Variants in BABAM2 observed in about 807,000 individuals in gnomAD.
BABAM2 encodes the protein BRISC and BRCA1-A complex member 2.
BABAM2 carries 31 observed loss-of-function variants against 54.7 expected under a neutral mutation model. The ratio of observed to expected loss-of-function variants is 0.57; its 90% CI spans 0.43 to 0.77. The LOEUF is 0.77. Ranked by LOEUF, BABAM2 falls within the 30% of genes least tolerant of loss-of-function variation. The pLI, the probability that BABAM2 is intolerant of heterozygous loss-of-function variation, is 0.00. For missense variants in BABAM2, 364 were observed against 455.8 expected, an observed-to-expected ratio of 0.80 and a Z score of 1.83; for synonymous variants, 167 against 162.9, an observed-to-expected ratio of 1.03 and a Z score of -0.19.
At chr2:28,064,463 A>C (rs1360357487) in intron 6 of BABAM2, among the ~76,000 whole-genome samples, 1 of 152,228 alleles carries the variant, frequency 6.6e-6, no homozygotes, top group Non-Finnish European at 1.5e-5. Context: ...TTCCCATAAT[A>C]ATTTTAGAAT....
chr2:27,962,670 T>C (rs1670554686), intron 3 of BABAM2, among the ~76,000 whole-genome samples: 1 of 152,212 alleles, frequency 6.6e-6, no homozygotes, highest in Admixed American at 6.5e-5. Context: ...TTAATTAAAA[T>C]AGAATATTAG....
rs1159052290 is a variant in BABAM2 at position 28,076,179 on chromosome 2, T to G, written c.570+30380T>G. On this transcript the variant is annotated intron_variant, in intron 6 of 11. Coordinates refer to ENST00000379624, the MANE Select transcript of BABAM2 (RefSeq NM_199191.3). Reference sequence around the variant, plus strand: ...ATTCCAGCATACAAGGGGGCTAAGGTGGGAGGATCGCTTGAGCCTGGGAGG... The same window carrying G: ...ATTCCAGCATACAAGGGGGCTAAGGGGGGAGGATCGCTTGAGCCTGGGAGG... Among the ~76,000 whole-genome samples the G allele has an allele frequency of 3.3e-5, 5 of 151,956 alleles. No individual in the cohort carries two copies. In the East Asian group the frequency reaches 9.6e-4, roughly 29 times the overall value.
intron 7 of BABAM2, among the ~76,000 whole-genome samples, chr2:28,163,278 C>T (rs142615064): frequency 0.015 from 2,337 of 152,158 alleles, 24 homozygotes; most frequent in South Asian, 0.036. Flanking sequence ...AGCAGGTGGG[C>T]CAGGATCAGC....
chr2:27,931,947 T>G (rs906579401), intron 3 of BABAM2, among the ~76,000 whole-genome samples: 1 of 152,216 alleles, frequency 6.6e-6, no homozygotes, highest in Admixed American at 6.5e-5. Context: ...TCTAAATCTG[T>G]AGTTGTCTTC....
At chr2:28,026,830 AT>A (rs1408079678) in intron 5 of BABAM2, among the ~76,000 whole-genome samples, 2 of 50,118 alleles carry the variant, frequency 4.0e-5, no homozygotes, top group African/African-American at 1.7e-4. Flanking sequence ...ATTTATATAT[AT>A]AAATATATAT....
Position 28,338,499 on chromosome 2 carries a change from A to G in BABAM2, c.1138A>G (p.Asn380Asp). ...VPQFQEAAFA[N>D]GKL ...TCAGTTCCAGGAGGCAGCATTTGCC[A>G]ATGGAAAGCTCTAGGAAACACCAGT... Residue 380 changes from asparagine to aspartate, a missense_variant, in exon 12 of 12, where the codon AAT becomes GAT. Transcript: ENST00000379624. 3 of 1,614,148 alleles carry G rather than the reference A, an allele frequency of 1.9e-6. No homozygotes were observed. Among genetic ancestry groups the G allele is most frequent in the Non-Finnish European group, 2.5e-6 (3 of 1,179,982 alleles).
chr2:28,132,224 C>G (rs999153934), intron 7 of BABAM2, among the ~76,000 whole-genome samples: 1 of 151,526 alleles, frequency 6.6e-6, no homozygotes, highest in Admixed American at 6.6e-5. Context: ...CTGCAAGCTC[C>G]GCCTCCCGGG....
chr2:28,056,933 T>C (rs989023669), intron 6 of BABAM2, among the ~76,000 whole-genome samples: 1 of 152,258 alleles, frequency 6.6e-6, no homozygotes, highest in Admixed American at 6.5e-5. Context: ...CCTTAAGTGG[T>C]CTATATTTTC....
chr2:28,293,405 G>A (rs1351824011), intron 10 of BABAM2, among the ~76,000 whole-genome samples: 1 of 152,186 alleles, frequency 6.6e-6, no homozygotes, highest in Non-Finnish European at 1.5e-5. Context: ...GCTTGGGAAG[G>A]TAGAAATGCA....
At chr2:28,207,811 T>A (rs1679029910) in intron 7 of BABAM2, among the ~76,000 whole-genome samples, 1 of 152,216 alleles carries the variant, frequency 6.6e-6, no homozygotes, top group Non-Finnish European at 1.5e-5. Context: ...TAATCTCACT[T>A]CTTTTTTTAA....
At chr2:28,218,670 A>T (rs993914456) in intron 7 of BABAM2, among the ~76,000 whole-genome samples, 4 of 152,046 alleles carry the variant, frequency 2.6e-5, no homozygotes, top group Admixed American at 2.6e-4. Flanking sequence ...CTGCACTCTA[A>T]TGTTACTAGT....
intron 2 of BABAM2, among the ~76,000 whole-genome samples, chr2:27,922,901 A>G (rs1241861383): frequency 6.6e-6 from 1 of 152,208 alleles, no homozygotes; most frequent in African/African-American, 2.4e-5. Context: ...ATGTGTGAGG[A>G]CAAGTTGCCA....
At chr2:27,962,173 A>G (rs901168203) in intron 3 of BABAM2, among the ~76,000 whole-genome samples, 4 of 152,122 alleles carry the variant, frequency 2.6e-5, no homozygotes, top group Admixed American at 1.3e-4. Context: ...GTACTGAATC[A>G]TAGCTTGCTG....
intron 1 of BABAM2, among the ~76,000 whole-genome samples, chr2:27,892,170 A>G (rs776975003): frequency 6.6e-6 from 1 of 152,224 alleles, no homozygotes; most frequent in Non-Finnish European, 1.5e-5. Context: ...TCCAGCTTCC[A>G]ACATTCAACA....
In BABAM2 at chr2:27,910,080, G is replaced by C. The variant is rs1666468898; in HGVS notation, c.128+15396G>C. 5.3e-5 allele frequency among the ~76,000 whole-genome samples: 8 copies of C among 152,260 alleles called. No homozygotes were observed. The South Asian group carries it at 1.7e-3, about 32-fold the overall frequency. ...ATTCCATCTATAACAGTTCTCCCTT[G>C]TTCTTTTCTGTATCAGAATCTGTCC... On this transcript the variant is annotated intron_variant, in intron 2 of 11. Transcript: ENST00000379624.
Position 27,900,935 on chromosome 2 carries a change from C to T in BABAM2, c.128+6251C>T, listed in dbSNP as rs554572605. ...GCGGGTGCCTATAGTCCCAGCTACT[C>T]GGGAGGCTGAGGCAGGAGAATGGCG... is the stretch of plus-strand genomic sequence containing the variant. On this transcript the variant is annotated intron_variant, in intron 2 of 11. Coordinates refer to ENST00000379624, the MANE Select transcript of BABAM2 (RefSeq NM_199191.3). Among the ~76,000 whole-genome samples the T allele has an allele frequency of 6.1e-5, 9 of 148,370 alleles. No individual in the cohort carries two copies. The South Asian group carries it at 1.3e-3, about 21-fold the overall frequency.
chr2:28,280,500 C>T (rs539380556), intron 10 of BABAM2, among the ~76,000 whole-genome samples: 53 of 152,278 alleles, frequency 3.5e-4, no homozygotes, highest in Non-Finnish European at 6.2e-4. Flanking sequence ...AAACAACTCT[C>T]TTTTTGTACA....
At chr2:28,215,394 C>T (rs1186931664) in intron 7 of BABAM2, among the ~76,000 whole-genome samples, 1 of 152,158 alleles carries the variant, frequency 6.6e-6, no homozygotes, top group Non-Finnish European at 1.5e-5. Context: ...AGGCTTCATA[C>T]TTATGGGCAT....
chr2:28,196,836 CTTTT>C (rs759950166), intron 7 of BABAM2, among the ~76,000 whole-genome samples: 8 of 40,242 alleles, frequency 2.0e-4, no homozygotes, highest in Admixed American at 5.1e-4. Flanking sequence ...GAGACCCTGT[CTTTT>C]TTTTTTTTTT....
Sources: allele counts gnomAD v4.1 joint callset (sites outside exome capture counted in the v4.1 genomes callset), GRCh38; gene constraint gnomAD v4.1.1; transcripts MANE v1.5; gene names NCBI Gene and HGNC (gene_info 2026-07-23, HGNC 2026-07-21).